LARGE1: variants seen among roughly 807,000 people sequenced by gnomAD.
The protein encoded by LARGE1 is xylosyl- and glucuronyltransferase LARGE1.
Under a neutral mutation model 87.6 loss-of-function variants are expected in LARGE1, and 43 were observed. The ratio of observed to expected loss-of-function variants is 0.49; its 90% CI spans 0.38 to 0.63. The LOEUF (loss-of-function observed/expected upper bound fraction) is 0.63, where lower values mean the gene tolerates loss of function less well. Among genes scored for constraint, LARGE1 ranks in the 30% least tolerant of loss-of-function variants. The pLI, the probability that LARGE1 is intolerant of heterozygous loss-of-function variation, is 0.00. For synonymous variants in LARGE1, 434 were observed against 394.6 expected, an observed-to-expected ratio of 1.10 and a Z score of -1.18; for missense variants, 802 against 1,000.2, an observed-to-expected ratio of 0.80 and a Z score of 2.67.
intron 10 of LARGE1, among the ~76,000 whole-genome samples, chr22:33,319,017 C>T (rs1477805260): frequency 2.0e-5 from 3 of 152,128 alleles, no homozygotes; most frequent in African/African-American, 7.2e-5. Flanking sequence ...TGACAGATTA[C>T]TTGATGGCAT....
chr22:33,812,910 A>C (rs2086540915), intron 1 of LARGE1, among the ~76,000 whole-genome samples: 1 of 152,224 alleles, frequency 6.6e-6, no homozygotes, highest in South Asian at 2.1e-4. Flanking sequence ...AAGATATTAA[A>C]AGACAAATAA....
At chr22:33,813,146 A>G (rs2086549329) in intron 1 of LARGE1, among the ~76,000 whole-genome samples, 1 of 152,040 alleles carries the variant, frequency 6.6e-6, no homozygotes. Context: ...ATCTGAGGTC[A>G]GGAGCTCGAG....
At chr22:33,891,792 G>C (rs2065013535) in intron 1 of LARGE1, among the ~76,000 whole-genome samples, 1 of 152,182 alleles carries the variant, frequency 6.6e-6, no homozygotes, top group African/African-American at 2.4e-5. Context: ...TGTAAGAGCT[G>C]GTTTTGGTTC....
intron 11 of LARGE1, among the ~76,000 whole-genome samples, chr22:33,174,868 A>T (rs765916470): frequency 6.6e-5 from 10 of 152,168 alleles, no homozygotes; most frequent in Non-Finnish European, 1.0e-4. Context: ...CCAACCAAAA[A>T]ATGTCCGGAT....
chr22:33,116,815 C>T, the LARGE1 span, among the ~76,000 whole-genome samples: 1 of 152,088 alleles, frequency 6.6e-6, no homozygotes, highest in Admixed American at 6.5e-5. Context: ...GTGGGGATTC[C>T]TATGTAAGTC....
intron 5 of LARGE1, among the ~76,000 whole-genome samples, chr22:33,576,123 A>C (rs1238210563): frequency 6.6e-6 from 1 of 152,200 alleles, no homozygotes; most frequent in Non-Finnish European, 1.5e-5. Context: ...TAATTTTAGA[A>C]GCTGCAATTC....
rs1027197630 is a variant in LARGE1 at position 33,699,985 on chromosome 22, T to G, written c.107-49317A>C. ...GTCTATTTTCAAGATTGATTTACAT[T>G]GCAGGTTCCGATGCAACCACTGACT... On this transcript the variant is annotated intron_variant, in intron 2 of 14. Transcript: ENST00000397394. 5.9e-5 allele frequency among the ~76,000 whole-genome samples: 9 copies of G among 152,356 alleles called. No homozygotes were observed. In the South Asian group the frequency reaches 1.9e-3, roughly 32 times the overall value.
chr22:33,198,694 C>T (rs1924216405), intron 11 of LARGE1, among the ~76,000 whole-genome samples: 1 of 145,538 alleles, frequency 6.9e-6, no homozygotes, highest in South Asian at 2.2e-4. Context: ...AAATACTATA[C>T]TACATGGAAT....
chr22:33,208,397 A>T (rs8140034), intron 11 of LARGE1, among the ~76,000 whole-genome samples: 3 of 152,196 alleles, frequency 2.0e-5, no homozygotes, highest in Non-Finnish European at 2.9e-5. Context: ...TGGGTTTCTT[A>T]GCAATCAACA....
chr22:33,861,057 G>C (rs867226558), intron 1 of LARGE1, among the ~76,000 whole-genome samples: 1 of 152,128 alleles, frequency 6.6e-6, no homozygotes, highest in African/African-American at 2.4e-5. Context: ...GCTGAGAGTG[G>C]GTAACGAAGC....
At chr22:33,257,207 A>AAAAT (rs1927341090) in intron 11 of LARGE1, among the ~76,000 whole-genome samples, 2 of 152,038 alleles carry the variant, frequency 1.3e-5, no homozygotes, top group Non-Finnish European at 2.9e-5. Flanking sequence ...CTCCGTCTCA[A>AAAAT]AAATAAACAA....
chr22:33,817,821 G>A (rs923664801), intron 1 of LARGE1, among the ~76,000 whole-genome samples: 5 of 151,996 alleles, frequency 3.3e-5, no homozygotes, highest in South Asian at 2.1e-4. Flanking sequence ...CAACTTCCCC[G>A]CTAGGTCAAT....
chr22:33,390,957 A>G (rs192848828), intron 7 of LARGE1, among the ~76,000 whole-genome samples: 1 of 152,246 alleles, frequency 6.6e-6, no homozygotes, highest in East Asian at 1.9e-4. Flanking sequence ...TTGGCCTCCC[A>G]AAGTGCTGGG....
chr22:33,909,606 T>C (rs556978891), intron 1 of LARGE1, among the ~76,000 whole-genome samples: 208 of 152,110 alleles, frequency 1.4e-3, no homozygotes, highest in Non-Finnish European at 2.0e-3. Flanking sequence ...TGGCATGATA[T>C]CGGCTCACTG....
chr22:33,307,488 T>A (rs181288665), intron 11 of LARGE1, among the ~76,000 whole-genome samples: 1 of 152,182 alleles, frequency 6.6e-6, no homozygotes, highest in East Asian at 1.9e-4. Flanking sequence ...CTCCCCACTC[T>A]TTCCCCTCCT....
intron 2 of LARGE1, among the ~76,000 whole-genome samples, chr22:33,720,552 G>A (rs5749652): frequency 0.31 from 47,531 of 152,000 alleles, 7,959 homozygotes; most frequent in East Asian, 0.49. Flanking sequence ...CCAGTCATAC[G>A]CATGACTATA....
chr22:33,495,314 G>C lies in LARGE1; in HGVS notation c.788-63049C>G, dbSNP rs147137058. The stretch of plus-strand genomic sequence containing the variant: ...CACTGACCGCTATCTGAATTGTCTT[G>C]CTTATTTACGCTCTCCCAAGCCCTT... On this transcript the variant is annotated intron_variant, in intron 6 of 14. Transcript: ENST00000397394. Among the ~76,000 whole-genome samples, 179 of 152,252 alleles carry C rather than the reference G, an allele frequency of 1.2e-3. 1 individual carries two copies. The South Asian group carries it at 0.014, about 12-fold the overall frequency.
chr22:33,690,683 A>C (rs1332619611), intron 2 of LARGE1, among the ~76,000 whole-genome samples: 2 of 151,930 alleles, frequency 1.3e-5, no homozygotes, highest in African/African-American at 4.8e-5. Flanking sequence ...AAAAAAAAAA[A>C]AAGGAATGGT....
intron 6 of LARGE1, among the ~76,000 whole-genome samples, chr22:33,480,532 G>A (rs1171233537): frequency 6.6e-6 from 1 of 152,144 alleles, no homozygotes; most frequent in African/African-American, 2.4e-5. Flanking sequence ...TCCAGTAGAG[G>A]AGAACCAGGC....
Sources: gnomAD v4.1 joint callset for allele counts (sites outside exome capture counted in the v4.1 genomes callset) on GRCh38, gnomAD v4.1.1 for gene constraint, MANE v1.5 for transcripts, NCBI Gene and HGNC (gene_info 2026-07-23, HGNC 2026-07-21) for gene names.